Variants in CNTNAP2 observed in about 807,000 individuals in gnomAD.
CNTNAP2 encodes contactin associated protein 2.
In CNTNAP2, 98 loss-of-function variants were observed where a neutral mutation model predicts 155.2. The ratio of observed to expected loss-of-function variants is 0.63; its 90% CI spans 0.54 to 0.75. The LOEUF (loss-of-function observed/expected upper bound fraction) is 0.75. CNTNAP2 is among the 30% of genes least tolerant of loss of function. The probability of loss-of-function intolerance (pLI) is 0.00; values close to 1 mark genes in which losing one functional copy is unlikely to be tolerated. For missense variants in CNTNAP2, 1,727 were observed against 1,688.1 expected (o/e 1.02, Z -0.40); for synonymous variants, 651 against 631.2 (o/e 1.03, Z -0.47).
chr7:147,141,474 A>G (rs1453852498), intron 8 of CNTNAP2, among the ~76,000 whole-genome samples: 1 of 152,120 alleles, frequency 6.6e-6, no homozygotes, highest in Non-Finnish European at 1.5e-5. Context: ...AACATAATGT[A>G]CACAACGGTT....
At chr7:146,667,548 C>A (rs1412818032) in intron 1 of CNTNAP2, among the ~76,000 whole-genome samples, 4 of 151,904 alleles carry the variant, frequency 2.6e-5, no homozygotes, top group Non-Finnish European at 4.4e-5. Flanking sequence ...ATTCACTCCA[C>A]AGATTCTTTT....
intron 19 of CNTNAP2, among the ~76,000 whole-genome samples, chr7:148,228,382 AG>A (rs1161383218): frequency 2.0e-5 from 3 of 152,152 alleles, no homozygotes; most frequent in African/African-American, 7.2e-5. Context: ...TATACTGTTG[AG>A]GCAAAGTGAA....
intron 21 of CNTNAP2, among the ~76,000 whole-genome samples, chr7:148,366,652 T>G (rs775637515): frequency 3.3e-5 from 5 of 152,232 alleles, no homozygotes; most frequent in Non-Finnish European, 7.3e-5. Context: ...CTATTTTACT[T>G]TTAAAATTGC....
At chr7:148,157,960 C>G (rs1805436288) in intron 17 of CNTNAP2, among the ~76,000 whole-genome samples, 1 of 152,188 alleles carries the variant, frequency 6.6e-6, no homozygotes, top group African/African-American at 2.4e-5. Context: ...CAGTTGTTCA[C>G]TACAAGGGTT....
At chr7:147,285,381 A>G (rs1805153973) in intron 8 of CNTNAP2, among the ~76,000 whole-genome samples, 1 of 151,946 alleles carries the variant, frequency 6.6e-6, no homozygotes, top group Admixed American at 6.6e-5. Context: ...CAAGTTCTTT[A>G]TGATTATTAT....
chr7:146,213,903 C>G (rs1799074240), intron 1 of CNTNAP2, among the ~76,000 whole-genome samples: 1 of 152,034 alleles, frequency 6.6e-6, no homozygotes, highest in African/African-American at 2.4e-5. Context: ...TTCTGCCTAA[C>G]AGCCTACACT....
intron 9 of CNTNAP2, among the ~76,000 whole-genome samples, chr7:147,393,512 A>G (rs1288559729): frequency 1.3e-5 from 2 of 151,532 alleles, no homozygotes; most frequent in Non-Finnish European, 2.9e-5. Flanking sequence ...GAAACAAATG[A>G]CAGTCTTCTT....
intron 10 of CNTNAP2, among the ~76,000 whole-genome samples, chr7:147,411,919 G>A (rs1797108979): frequency 6.6e-6 from 1 of 152,130 alleles, no homozygotes; most frequent in African/African-American, 2.4e-5. Flanking sequence ...GTAAAAAAGT[G>A]CATGCTTCCA....
chr7:147,916,591 GAAA>G (rs10545940), intron 14 of CNTNAP2, among the ~76,000 whole-genome samples: 11,663 of 135,832 alleles, frequency 0.086, 826 homozygotes, highest in African/African-American at 0.19. Context: ...CTTTTTTTCT[GAAA>G]AAAAAAAAAA....
intron 15 of CNTNAP2, among the ~76,000 whole-genome samples, chr7:148,000,054 G>C (rs776840293): frequency 6.6e-6 from 1 of 152,160 alleles, no homozygotes; most frequent in Non-Finnish European, 1.5e-5. Flanking sequence ...ATGTGGAGGC[G>C]CAATTCAAGT....
At chr7:146,948,613 T>C (rs1797241809) in intron 3 of CNTNAP2, among the ~76,000 whole-genome samples, 1 of 152,170 alleles carries the variant, frequency 6.6e-6, no homozygotes, top group Non-Finnish European at 1.5e-5. Flanking sequence ...TATAAGTGCT[T>C]TATAAAATGT....
At chr7:147,377,734 A>G (rs918495406) in intron 9 of CNTNAP2, among the ~76,000 whole-genome samples, 1 of 151,814 alleles carries the variant, frequency 6.6e-6, no homozygotes, top group African/African-American at 2.4e-5. Context: ...CTTTGAGTAT[A>G]TTATCCTACT....
intron 9 of CNTNAP2, among the ~76,000 whole-genome samples, chr7:147,355,294 G>A (rs368430803): frequency 2.2e-4 from 34 of 152,222 alleles, no homozygotes; most frequent in African/African-American, 7.9e-4. Flanking sequence ...CTAAAGCACT[G>A]TTGAGAGGGA....
intron 1 of CNTNAP2, among the ~76,000 whole-genome samples, chr7:146,138,701 T>C (rs1797833395): frequency 6.6e-6 from 1 of 152,082 alleles, no homozygotes; most frequent in Non-Finnish European, 1.5e-5. Flanking sequence ...TGTAGGCAGA[T>C]TTTATTTAGT....
chr7:147,485,738 C>A (rs146321245), intron 10 of CNTNAP2, among the ~76,000 whole-genome samples, 197 bp from the exon 11 acceptor site: 1 of 152,134 alleles, frequency 6.6e-6, no homozygotes, highest in South Asian at 2.1e-4. Flanking sequence ...AGCTCCAGGT[C>A]GGTGATACAT....
chr7:146,820,970 G>C (rs1203999976), intron 2 of CNTNAP2, among the ~76,000 whole-genome samples: 3 of 152,110 alleles, frequency 2.0e-5, no homozygotes, highest in African/African-American at 4.8e-5. Flanking sequence ...TGTTTTATCA[G>C]AGACTAGGAT....
At chr7:147,963,761 C>T (rs774951933) in intron 14 of CNTNAP2, among the ~76,000 whole-genome samples, 1 of 152,086 alleles carries the variant, frequency 6.6e-6, no homozygotes, top group Non-Finnish European at 1.5e-5. Context: ...CGAGCTATAA[C>T]TTTCATAGAG....
At chr7:146,903,703 G>A (rs1159368156) in intron 3 of CNTNAP2, among the ~76,000 whole-genome samples, 1 of 152,130 alleles carries the variant, frequency 6.6e-6, no homozygotes, top group Non-Finnish European at 1.5e-5. Context: ...GTCACCAGAG[G>A]CCTGCAGAGA....
At chr7:147,664,056 A>C (rs1374554129) in intron 13 of CNTNAP2, among the ~76,000 whole-genome samples, 1 of 152,246 alleles carries the variant, frequency 6.6e-6, no homozygotes, top group Non-Finnish European at 1.5e-5. Flanking sequence ...AAATTAATAG[A>C]AATTTTTCAT....
Sources: gnomAD v4.1 joint callset for allele counts (sites outside exome capture counted in the v4.1 genomes callset) on GRCh38, gnomAD v4.1.1 for gene constraint, MANE v1.5 for transcripts, NCBI Gene and HGNC (gene_info 2026-07-23, HGNC 2026-07-21) for gene names.